Variants in SHANK2 observed in about 807,000 individuals in gnomAD.
SHANK2 encodes the protein SH3 and multiple ankyrin repeat domains 2.
SHANK2 carries 43 observed loss-of-function variants against 133.7 expected under a neutral mutation model. That is an observed-to-expected ratio of 0.32 (90% CI 0.25 to 0.41). The LOEUF (loss-of-function observed/expected upper bound fraction) is 0.41. Among genes scored for constraint, SHANK2 ranks in the 10% least tolerant of loss-of-function variants. SHANK2 has a pLI of 1.00. For missense variants in SHANK2, 1,994 were observed against 2,235.8 expected (o/e 0.89, Z 2.18); for synonymous variants, 1,017 against 952.8 (o/e 1.07, Z -1.24).
Position 70,749,970 on chromosome 11 carries a change from G to A in SHANK2, c.1777+48473C>T, listed in dbSNP as rs74616736. Among the ~76,000 whole-genome samples, 273 of 152,248 alleles carry A rather than the reference G, an allele frequency of 1.8e-3. 4 individuals carry two copies. The highest frequency in any genetic ancestry group is 5.9e-3 in the African/African-American group (243 of 41,534). The stretch of plus-strand genomic sequence containing the variant: ...ACTTCTCAAATTTGATGAAAGAAAC[G>A]AATGCACAGATTCAAGAAACTCAGC... On this transcript the variant is annotated intron_variant, in intron 14 of 25. Coordinates refer to ENST00000601538, the MANE Select transcript of SHANK2 (RefSeq NM_012309.5).
chr11:70,679,309 C>A (rs572101136), intron 15 of SHANK2, among the ~76,000 whole-genome samples: 6 of 152,234 alleles, frequency 3.9e-5, no homozygotes, highest in Non-Finnish European at 8.8e-5. Context: ...ACACAGCTGG[C>A]AAATGGCGGA....
intron 1 of SHANK2, among the ~76,000 whole-genome samples, chr11:71,229,240 C>CA (rs1312425407): frequency 1.3e-5 from 2 of 151,744 alleles, no homozygotes; most frequent in Non-Finnish European, 2.9e-5. Context: ...TGTAATATGG[C>CA]AAAAAAACAA....
chr11:70,640,358 C>T (rs908845029), intron 17 of SHANK2, among the ~76,000 whole-genome samples: 4 of 152,134 alleles, frequency 2.6e-5, no homozygotes, highest in Non-Finnish European at 4.4e-5. Context: ...AGACGAGCGA[C>T]GCAGCCATGA....
intron 17 of SHANK2, among the ~76,000 whole-genome samples, chr11:70,643,689 C>G (rs889619781): frequency 6.6e-6 from 1 of 151,898 alleles, no homozygotes; most frequent in Non-Finnish European, 1.5e-5. Context: ...AAATATTCCT[C>G]TTTCTTTTAT....
intron 17 of SHANK2, among the ~76,000 whole-genome samples, chr11:70,559,865 CTTTA>C (rs10645600): frequency 3.4e-5 from 5 of 149,184 alleles, no homozygotes; most frequent in East Asian, 2.0e-4. Flanking sequence ...TGGGGGGTTG[CTTTA>C]TTTATTTATT....
In SHANK2 at chr11:70,814,561, G is replaced by A. The variant is rs185307364; in HGVS notation, c.1493+5803C>T. Among the ~76,000 whole-genome samples the A allele has an allele frequency of 2.6e-3, 399 of 152,308 alleles. 2 individuals are homozygous for A. The highest frequency in any genetic ancestry group is 9.5e-3 in the African/African-American group (393 of 41,578). Reference sequence around the variant, plus strand: ...GCCCATTTCATCCGCCTGAAACCCTGAACGCAGCTGCACCTCAGTTCCCAT... The same window carrying A: ...GCCCATTTCATCCGCCTGAAACCCTAAACGCAGCTGCACCTCAGTTCCCAT... On this transcript the variant is annotated intron_variant, in intron 12 of 25. Transcript: ENST00000601538.
Sources: gnomAD v4.1 joint callset for allele counts (sites outside exome capture counted in the v4.1 genomes callset) on GRCh38, gnomAD v4.1.1 for gene constraint, MANE v1.5 for transcripts, NCBI Gene and HGNC (gene_info 2026-07-23, HGNC 2026-07-21) for gene names.